The following CCDC57 variants were observed in gnomAD, a reference collection of about 807,000 sequenced individuals.
CCDC57 encodes the protein coiled-coil domain containing 57.
Under a neutral mutation model 118.9 loss-of-function variants are expected in CCDC57, and 118 were observed. The ratio of observed to expected loss-of-function variants is 0.99; its 90% CI spans 0.86 to 1.16. CCDC57 has a LOEUF of 1.16. CCDC57 is among the 50% of genes most tolerant of loss of function. CCDC57 has a pLI of 0.00. For missense variants in CCDC57, 1,300 were observed against 1,320.7 expected (o/e 0.98, Z 0.24); for synonymous variants, 527 against 532.9 (o/e 0.99, Z 0.15).
intron 7 of CCDC57, among the ~76,000 whole-genome samples, chr17:82,189,783 G>A (rs1476214520): frequency 2.6e-5 from 4 of 152,144 alleles, no homozygotes; most frequent in African/African-American, 7.2e-5. Context: ...AACCCGGGAG[G>A]CAGAGGTTGC....
At chr17:82,132,616 C>T (rs887693248) in intron 17 of CCDC57, among the ~76,000 whole-genome samples, 15 of 152,018 alleles carry the variant, frequency 9.9e-5, no homozygotes, top group Admixed American at 7.2e-4. Flanking sequence ...GACGGGGTCT[C>T]GCTGTGTTGC....
At chr17:82,197,433 T>C (rs1360338029) in intron 4 of CCDC57, among the ~76,000 whole-genome samples, 1 of 152,254 alleles carries the variant, frequency 6.6e-6, no homozygotes, top group Non-Finnish European at 1.5e-5. Flanking sequence ...CTTGGAGGTG[T>C]AGGCTGAGTT....
rs913284251 is a variant in CCDC57, at chr17:82,170,216, A to T, written c.1882+1485T>A. Reference sequence around the variant, plus strand: ...TGGGGCCCTGGACTGTTGTCCTTACAAGAAGAGGAAGAGTCGGGCGCGGTG... The same window carrying T: ...TGGGGCCCTGGACTGTTGTCCTTACTAGAAGAGGAAGAGTCGGGCGCGGTG... On this transcript the variant is annotated intron_variant, in intron 13 of 19. Transcript: ENST00000665763. 1.2e-3 allele frequency among the ~76,000 whole-genome samples: 177 copies of T among 152,238 alleles called. 3 individuals carry two copies. Among genetic ancestry groups the T allele is most frequent in the Non-Finnish European group, 1.5e-4 (10 of 68,016 alleles).
In CCDC57 at chr17:82,178,454, A is replaced by G. The variant is rs753962151; in HGVS notation, c.1506+20T>C. The G allele has an allele frequency of 6.3e-7, 1 of 1,576,446 alleles. No individual in the cohort carries two copies. The highest frequency in any genetic ancestry group is 2.3e-5 in the East Asian group (1 of 44,040). ...GCTGCTGTTGAGCAAAGTTTCAAAG[A>G]GCCGACTGGGTACTCTCACCTGTGC... On this transcript the variant is annotated intron_variant, in intron 11 of 19. Transcript: ENST00000665763.
chr17:82,169,787 G>C (rs1359105731), intron 13 of CCDC57, among the ~76,000 whole-genome samples: 1 of 152,220 alleles, frequency 6.6e-6, no homozygotes, highest in Non-Finnish European at 1.5e-5. Context: ...AAGAAAGCTA[G>C]AATGCTAGAA....
At chr17:82,184,031 G>GCGCGCGCGCGCACGCA in intron 8 of CCDC57, 99 bp from the exon 8 acceptor site, 1 of 125,852 alleles carries the variant, frequency 7.9e-6, no homozygotes, top group Non-Finnish European at 1.6e-5. Context: ...GCGCGCGCGC[G>GCGCGCGCGCGCACGCA]CACACACACA....
At chr17:82,124,534 C>G (rs972909939) in intron 19 of CCDC57, among the ~76,000 whole-genome samples, 1 of 152,038 alleles carries the variant, frequency 6.6e-6, no homozygotes, top group African/African-American at 2.4e-5. Flanking sequence ...GGCTCATGCC[C>G]GTAATCCCAG....
intron 2 of CCDC57, among the ~76,000 whole-genome samples, chr17:82,206,745 G>A (rs770111213): frequency 1.8e-4 from 28 of 152,226 alleles, no homozygotes; most frequent in Non-Finnish European, 3.2e-4. Flanking sequence ...CTTGAAGCCA[G>A]TGGTCAGTCA....
At chr17:82,183,619 T>G (rs2046473322) in intron 9 of CCDC57, among the ~76,000 whole-genome samples, 155 bp downstream of exon 8, 3 of 152,166 alleles carry the variant, frequency 2.0e-5, no homozygotes, top group Admixed American at 2.0e-4. Context: ...CACCCCTGCG[T>G]GACCAGACAT....
intron 3 of CCDC57, among the ~76,000 whole-genome samples, chr17:82,198,781 G>A (rs1022720211): frequency 6.6e-6 from 1 of 151,716 alleles, no homozygotes; most frequent in Non-Finnish European, 1.5e-5. Flanking sequence ...ACAAGGTCAG[G>A]AGATCGAGAG....
At chr17:82,109,934 AAAAAT>A (rs1036939631) in intron 19 of CCDC57, among the ~76,000 whole-genome samples, 7 of 152,202 alleles carry the variant, frequency 4.6e-5, no homozygotes, top group Admixed American at 1.3e-4. Context: ...GTAAAAATTA[AAAAAT>A]AAAATAGAAT....
chr17:82,113,400 G>A (rs2035438358), intron 19 of CCDC57: 1 of 717,674 alleles, frequency 1.4e-6, no homozygotes, highest in African/African-American at 1.7e-5. Context: ...CCTGAGAGCA[G>A]CAATGGGACT....
At chr17:82,127,470 GA>G (rs2037643432) in intron 19 of CCDC57, 1 of 985,272 alleles carries the variant, frequency 1.0e-6, no homozygotes, top group South Asian at 4.7e-5. Flanking sequence ...GCTGCACTAG[GA>G]AATGGCATGG....
At chr17:82,113,895 AAGATT>A in intron 19 of CCDC57, 2 of 552,238 alleles carry the variant, frequency 3.6e-6, no homozygotes, top group South Asian at 4.1e-5. Context: ...ACAGTGAACC[AAGATT>A]GTGCCACTGC....
exon 9 of CCDC57, chr17:82,183,782 G>C: frequency 6.4e-7 from 1 of 1,559,732 alleles, no homozygotes; most frequent in Non-Finnish European, 8.7e-7. Flanking sequence ...ACCTTTCAAT[G>C]TCCTGCTGGG....
intron 2 of CCDC57, among the ~76,000 whole-genome samples, chr17:82,203,053 C>T (rs1019915057): frequency 1.3e-5 from 2 of 152,190 alleles, no homozygotes; most frequent in Non-Finnish European, 2.9e-5. Context: ...TAATCCCCAA[C>T]GGGGGAGCTG....
intron 8 of CCDC57, 85 bp downstream of exon 7, chr17:82,188,134 G>A: frequency 1.7e-6 from 2 of 1,194,356 alleles, no homozygotes; most frequent in Non-Finnish European, 1.1e-6. Context: ...CCCCTTTCCT[G>A]TGGTCTGGCA....
Position 82,151,846 on chromosome 17 carries a change from A to G in CCDC57, c.2242-73T>C, listed in dbSNP as rs2042105506. On this transcript the variant is annotated intron_variant, in intron 15 of 19. Coordinates refer to ENST00000665763, the Ensembl canonical transcript of CCDC57. ...GGAGGACGCCAGGGGTGCCCACCCA[A>G]GGAGCCTCTTCACCTGCTCTTCCAG... The G allele has an allele frequency of 2.3e-6, 3 of 1,322,284 alleles. No homozygotes were observed. The South Asian group carries it at 4.2e-5, about 18-fold the overall frequency. 81.9% of individuals were successfully genotyped at this position (1,322,284 alleles called of 1,614,324 possible).
chr17:82,142,377 A>T (rs963173506), intron 16 of CCDC57, among the ~76,000 whole-genome samples: 11 of 151,232 alleles, frequency 7.3e-5, no homozygotes, highest in African/African-American at 2.7e-4. Context: ...CAGTGGCGTG[A>T]TCTCAGCTCA....
Sources: gnomAD v4.1 joint callset for allele counts (sites outside exome capture counted in the v4.1 genomes callset) on GRCh38, gnomAD v4.1.1 for gene constraint, MANE v1.5 for transcripts, NCBI Gene and HGNC (gene_info 2026-07-23, HGNC 2026-07-21) for gene names.